ARHGAP5: variants seen among roughly 807,000 people sequenced by gnomAD.
ARHGAP5 encodes the protein rho GTPase-activating protein 5.
In ARHGAP5, 23 loss-of-function variants were observed where a neutral mutation model predicts 116.6. The observed-to-expected ratio is 0.20, with a 90% CI of 0.14 to 0.28. The LOEUF is 0.28. Ranked by LOEUF, ARHGAP5 falls within the 10% of genes least tolerant of loss-of-function variation. ARHGAP5 has a pLI of 1.00. For synonymous variants in ARHGAP5, 574 were observed against 602.0 expected (o/e 0.95, Z 0.68); for missense variants, 1,405 against 1,774.8 (o/e 0.79, Z 3.74).
rs370086242 is a variant in ARHGAP5 at position 32,117,194 on chromosome 14, A to G, written c.3772A>G (p.Asn1258Asp). The G allele has an allele frequency of 3.1e-6, 5 of 1,612,398 alleles. No individual in the cohort carries two copies. The African/African-American group carries it at 5.3e-5, about 17-fold the overall frequency. The part of the protein sequence containing the change: ...NPPTRRNWES[N>D]YFGMPLQDLV... ...ACCAACACGTAGAAATTGGGAAAGT[A>G]ATTACTTTGGGATGCCCCTCCAGGA... is the stretch of plus-strand genomic sequence containing the variant. Residue 1258 changes from asparagine (N) to aspartate (D), a missense_variant, in exon 3 of 7, where the codon AAT (asparagine) becomes GAT (aspartate). Physicochemically the swap from Asn to Asp is conservative, Grantham distance 23. Coordinates refer to ENST00000345122, the MANE Select transcript of ARHGAP5 (RefSeq NM_001030055.2).
chr14:32,129,206 A>G (rs1224451224), intron 3 of ARHGAP5, among the ~76,000 whole-genome samples: 1 of 152,172 alleles, frequency 6.6e-6, no homozygotes, highest in Non-Finnish European at 1.5e-5. Context: ...TTATAAGTAA[A>G]TAATATATTT....
chr14:32,106,264 A>G (rs113016378), intron 2 of ARHGAP5, among the ~76,000 whole-genome samples: 5,964 of 152,054 alleles, frequency 0.039, 392 homozygotes, highest in African/African-American at 0.13. Flanking sequence ...GGGATTACAG[A>G]TGCCCACCAC....
At chr14:32,089,915 T>G (rs2041867614) in intron 1 of ARHGAP5, among the ~76,000 whole-genome samples, 1 of 151,988 alleles carries the variant, frequency 6.6e-6, no homozygotes, top group African/African-American at 2.4e-5. Context: ...TGTTTTCTCT[T>G]AAGTATTTAA....
chr14:32,137,324 G>T (rs1484973955), intron 3 of ARHGAP5, among the ~76,000 whole-genome samples: 2 of 150,670 alleles, frequency 1.3e-5, no homozygotes, highest in African/African-American at 2.5e-5. Flanking sequence ...ATTGCGAAGA[G>T]TATCCTTTTC....
At chr14:32,121,386 A>G (rs1006680476) in intron 3 of ARHGAP5, among the ~76,000 whole-genome samples, 13 of 152,126 alleles carry the variant, frequency 8.5e-5, no homozygotes, top group African/African-American at 2.9e-4. Context: ...TGTGGTATAC[A>G]TCTTTATAGA....
chr14:32,156,185 T>C lies in ARHGAP5; in HGVS notation c.*1237T>C, dbSNP rs1881886588. 6.6e-6 allele frequency: 1 copy of C among 152,462 alleles called. No individual in the cohort carries two copies. The highest frequency in any genetic ancestry group is 1.5e-5 in the Non-Finnish European group (1 of 67,896). The allele number at this position is 152,462 out of a possible 1,614,324, so 9.4% of individuals were successfully genotyped here. ...CTGCTTTTGGGGGTAAACATTTTGT[T>C]AGTGAAGATAAAACCAGAACACTAA... On this transcript the variant is annotated 3_prime_UTR_variant, in exon 7 of 7. Transcript: ENST00000345122.
chr14:32,148,855 A>G (rs116370062), intron 4 of ARHGAP5, among the ~76,000 whole-genome samples: 1,849 of 152,256 alleles, frequency 0.012, 36 homozygotes, highest in African/African-American at 0.042. Flanking sequence ...ACTGATAGCA[A>G]ATTAACCTTA....
At chr14:32,133,407 CT>C (rs1335335637) in intron 3 of ARHGAP5, among the ~76,000 whole-genome samples, 1 of 152,144 alleles carries the variant, frequency 6.6e-6, no homozygotes, top group Admixed American at 6.5e-5. Flanking sequence ...CATAAGAATG[CT>C]TTTGATTTTT....
At chr14:32,087,952 A>G (rs2041846634) in intron 1 of ARHGAP5, among the ~76,000 whole-genome samples, 1 of 152,064 alleles carries the variant, frequency 6.6e-6, no homozygotes, top group Admixed American at 6.5e-5. Flanking sequence ...AAGGGTCATG[A>G]CTTAATGCCT....
intron 3 of ARHGAP5, 124 bp downstream of exon 3, chr14:32,117,411 T>G (rs1294406920): frequency 2.4e-6 from 2 of 843,434 alleles, no homozygotes. Context: ...TAGTATTAAC[T>G]CCATCTGATC....
intron 3 of ARHGAP5, among the ~76,000 whole-genome samples, chr14:32,142,963 A>G (rs1951266569): frequency 1.3e-5 from 2 of 152,162 alleles, no homozygotes; most frequent in South Asian, 4.1e-4. Flanking sequence ...TGGATTATTT[A>G]TACACCTTGC....
At chr14:32,112,123 A>G (rs553844501) in intron 2 of ARHGAP5, among the ~76,000 whole-genome samples, 1 of 151,914 alleles carries the variant, frequency 6.6e-6, no homozygotes, top group Admixed American at 6.6e-5. Flanking sequence ...GGCCTCTTTG[A>G]TTTTTTTAAT....
chr14:32,158,599 A>C lies in ARHGAP5; in HGVS notation c.*3651A>C, dbSNP rs1881995840. On this transcript the variant is annotated 3_prime_UTR_variant, in exon 7 of 7. Coordinates refer to ENST00000345122, the MANE Select transcript of ARHGAP5 (RefSeq NM_001030055.2). ...CAACATGAATCTTTGTGTTATCTTGAATTTAGTAGTTTCAAGGTACTTAAA... is the reference window on the plus strand; with the variant it reads ...CAACATGAATCTTTGTGTTATCTTGCATTTAGTAGTTTCAAGGTACTTAAA... 6.6e-6 allele frequency: 1 copy of C among 151,910 alleles called. No homozygotes were observed. The highest frequency in any genetic ancestry group is 6.6e-5 in the Admixed American group (1 of 15,250). The allele number at this position is 151,910 out of a possible 1,614,324, so 9.4% of individuals were successfully genotyped here.
intron 2 of ARHGAP5, among the ~76,000 whole-genome samples, chr14:32,114,142 G>A (rs1026861213): frequency 2.0e-5 from 3 of 151,902 alleles, no homozygotes; most frequent in Non-Finnish European, 4.4e-5. Flanking sequence ...GCAGGAGAAT[G>A]GCGTGAACCC....
At chr14:32,115,256 AT>A (rs1338321531) in intron 2 of ARHGAP5, among the ~76,000 whole-genome samples, 1 of 152,158 alleles carries the variant, frequency 6.6e-6, no homozygotes, top group Non-Finnish European at 1.5e-5. Context: ...GCTAAGAATC[AT>A]TTTCCCTCTA....
chr14:32,138,594 A>G (rs1880935366), intron 3 of ARHGAP5, among the ~76,000 whole-genome samples: 1 of 152,120 alleles, frequency 6.6e-6, no homozygotes, highest in Non-Finnish European at 1.5e-5. Flanking sequence ...AACTCTTACT[A>G]GTATTTTTTG....
chr14:32,081,209 G>A (rs890384066), intron 1 of ARHGAP5, among the ~76,000 whole-genome samples: 3 of 152,120 alleles, frequency 2.0e-5, no homozygotes, highest in African/African-American at 7.2e-5. Flanking sequence ...AAAGTTAGTA[G>A]AAAGGAATTT....
At chr14:32,125,700 T>C (rs556046063) in intron 3 of ARHGAP5, among the ~76,000 whole-genome samples, 1 of 152,264 alleles carries the variant, frequency 6.6e-6, no homozygotes, top group Non-Finnish European at 1.5e-5. Flanking sequence ...GGTTTCCTTT[T>C]AATCACTAAG....
intron 4 of ARHGAP5, among the ~76,000 whole-genome samples, chr14:32,149,529 G>A (rs1881545474): frequency 6.6e-6 from 1 of 152,030 alleles, no homozygotes; most frequent in Non-Finnish European, 1.5e-5. Context: ...CAGCACTTTG[G>A]GAGGCTGAGG....
Sources: allele counts gnomAD v4.1 joint callset (sites outside exome capture counted in the v4.1 genomes callset), GRCh38; gene constraint gnomAD v4.1.1; transcripts MANE v1.5; gene names NCBI Gene and HGNC (gene_info 2026-07-23, HGNC 2026-07-21).